The following ZMYM6 variants were observed in gnomAD, a reference collection of about 807,000 sequenced individuals.
ZMYM6 encodes zinc finger MYM-type protein 6.
Under a neutral mutation model 134.0 loss-of-function variants are expected in ZMYM6, and 90 were observed. The ratio of observed to expected loss-of-function variants is 0.67; its 90% CI spans 0.57 to 0.80. ZMYM6 has a LOEUF of 0.80. ZMYM6 is among the 30% of genes least tolerant of loss of function. The pLI is 0.00. For synonymous variants in ZMYM6, 481 were observed against 524.1 expected (o/e 0.92, Z 1.12); for missense variants, 1,362 against 1,533.9 (o/e 0.89, Z 1.87).
chr1:35,015,723 CAA>C (rs1331400824), intron 4 of ZMYM6, among the ~76,000 whole-genome samples: 12 of 51,192 alleles, frequency 2.3e-4, no homozygotes, highest in African/African-American at 1.5e-3. Context: ...GACTCCATCT[CAA>C]AAAAAAAAAA....
At chr1:34,997,557 G>A (rs780710020) in intron 14 of ZMYM6, among the ~76,000 whole-genome samples, 3 of 152,000 alleles carry the variant, frequency 2.0e-5, no homozygotes, top group Non-Finnish European at 4.4e-5. Context: ...TGCCCACCTC[G>A]GCCTCCCAAA....
chr1:35,010,170 C>T (rs1418244931), intron 10 of ZMYM6, among the ~76,000 whole-genome samples: 1 of 151,950 alleles, frequency 6.6e-6, no homozygotes, highest in Admixed American at 6.6e-5. Flanking sequence ...GCACCATGCC[C>T]GGCTAATTTT....
At chr1:34,989,106 A>T (rs1366637496) in intron 15 of ZMYM6, 171 bp from the exon 16 acceptor site, 1 of 1,405,170 alleles carries the variant, frequency 7.1e-7, no homozygotes, top group Non-Finnish European at 9.2e-7. Context: ...TGCTACTGAA[A>T]ACTGAATTTC....
At chr1:35,002,780 T>C (rs1640901504) in intron 14 of ZMYM6, among the ~76,000 whole-genome samples, 1 of 151,682 alleles carries the variant, frequency 6.6e-6, no homozygotes. Context: ...TTGGGGCACA[T>C]TTTTTTAGCA....
intron 8 of ZMYM6, among the ~76,000 whole-genome samples, chr1:35,011,356 T>G (rs1276342109): frequency 1.3e-5 from 2 of 152,170 alleles, no homozygotes; most frequent in Non-Finnish European, 2.9e-5. Flanking sequence ...TGATGGCTAC[T>G]ACGACACAAT....
chr1:35,015,743 A>AAAAAAAAAATATAT, intron 4 of ZMYM6, among the ~76,000 whole-genome samples: 7 of 106,466 alleles, frequency 6.6e-5, no homozygotes, highest in African/African-American at 3.3e-4. Flanking sequence ...AAAAAAAAAA[A>AAAAAAAAAATATAT]ATATATATAT....
In ZMYM6 at chr1:35,010,436, T is replaced by G; in HGVS notation, c.1492+11A>C. Reference sequence around the variant, plus strand: ...ACCCATGCTCTGTGAATAAAACAACTTTGTCTTTACCTTCACTACAGAATG... The same window carrying G: ...ACCCATGCTCTGTGAATAAAACAACGTTGTCTTTACCTTCACTACAGAATG... On this transcript the variant is annotated intron_variant, in intron 10 of 15. Transcript: ENST00000357182. 1 of 1,600,560 alleles carries G rather than the reference T, an allele frequency of 6.2e-7. No individual in the cohort carries two copies. The highest frequency in any genetic ancestry group is 2.2e-5 in the East Asian group (1 of 44,842).
chr1:35,019,087 T>C, intron 4 of ZMYM6: 1 of 567,278 alleles, frequency 1.8e-6, no homozygotes, highest in East Asian at 2.9e-5. Context: ...AATTACAGGA[T>C]AGTCCTGCAA....
intron 6 of ZMYM6, chr1:35,013,185 T>G (rs534275269): frequency 1.4e-6 from 1 of 718,240 alleles, no homozygotes; most frequent in East Asian, 1.3e-4. Context: ...GCTAAGAAAT[T>G]TATATATAGT....
Position 35,010,520 on chromosome 1 carries a change from G to A in ZMYM6, c.1419C>T (p.Asp473=), listed in dbSNP as rs1321580244. The part of the protein sequence containing the change: ...KKKNKVVAMC[D]YCKLQKIIKE... Reference sequence around the variant, plus strand: ...TTATAATTTTCTGCAGTTTACAGTAGTCACACATTGCCACAACTTTATTTT... The same window carrying A: ...TTATAATTTTCTGCAGTTTACAGTAATCACACATTGCCACAACTTTATTTT... The change falls in exon 10 of 16, where the codon GAC becomes GAT. Residue 473 remains aspartate, a synonymous_variant. Transcript: ENST00000357182. 6.2e-7 allele frequency: 1 copy of A among 1,614,014 alleles called. No homozygotes were observed. The highest frequency in any genetic ancestry group is 2.2e-5 in the East Asian group (1 of 44,874).
chr1:35,024,682 C>T (rs1372091068), intron 2 of ZMYM6, among the ~76,000 whole-genome samples: 1 of 152,160 alleles, frequency 6.6e-6, no homozygotes, highest in African/African-American at 2.4e-5. Flanking sequence ...CATTCTCTCA[C>T]CCCTCCATGA....
intron 4 of ZMYM6, among the ~76,000 whole-genome samples, chr1:35,015,743 A>AAAAAAAAATATATAT: frequency 2.8e-5 from 3 of 106,464 alleles, no homozygotes; most frequent in African/African-American, 2.0e-4. Flanking sequence ...AAAAAAAAAA[A>AAAAAAAAATATATAT]ATATATATAT....
intron 4 of ZMYM6, among the ~76,000 whole-genome samples, chr1:35,015,675 G>C (rs1384647239): frequency 7.3e-6 from 1 of 137,362 alleles, no homozygotes; most frequent in African/African-American, 2.8e-5. Context: ...AGTGAGCCGA[G>C]ATTGTGCCAC....
chr1:34,996,366 T>C (rs773761035), intron 14 of ZMYM6, among the ~76,000 whole-genome samples: 11 of 152,226 alleles, frequency 7.2e-5, no homozygotes, highest in Non-Finnish European at 1.6e-4. Flanking sequence ...CATTACCACT[T>C]TCCTTTATCT....
intron 14 of ZMYM6, among the ~76,000 whole-genome samples, chr1:35,002,501 G>GC (rs1246358108): frequency 6.6e-6 from 1 of 152,186 alleles, no homozygotes; most frequent in Non-Finnish European, 1.5e-5. Flanking sequence ...ATGATAGATT[G>GC]CCCTCAGGGG....
At position 34,988,441 on chromosome 1, in the gene ZMYM6, C is replaced by T. The variant is rs1640609721; in HGVS notation, c.2641G>A (p.Val881Ile). Residue 881 changes from valine to isoleucine, a missense_variant, in exon 16 of 16, where the codon GTT becomes ATT. Val to Ile is a conservative substitution (Grantham distance 29, BLOSUM62 3). Coordinates refer to ENST00000357182, the MANE Select transcript of ZMYM6 (RefSeq NM_007167.4). ...TCATCAATCCTGTGTTGAATTGTAA[C>T]ATTAGAAAGTGGAATAGTTTTCATT... Reference protein sequence around the residue: ...DKMKTIPLSNVTIQHRIDELS... With the variant: ...DKMKTIPLSNITIQHRIDELS... 5 of 1,551,462 alleles carry T rather than the reference C, an allele frequency of 3.2e-6. No individual in the cohort carries two copies. Among genetic ancestry groups the T allele is most frequent in the Non-Finnish European group, 4.4e-6 (5 of 1,146,904 alleles).
chr1:35,030,488 T>C, intron 2 of ZMYM6, 59 bp downstream of exon 2: 2 of 1,534,856 alleles, frequency 1.3e-6, no homozygotes, highest in Admixed American at 2.1e-5. Context: ...AATTTTTCAG[T>C]TGACCAGATG....
In ZMYM6 at chr1:35,019,495, T is replaced by A. The variant is rs186205579; in HGVS notation, c.286A>T (p.Lys96Ter). Reference protein sequence around the residue: ...VAIKVFCSGCKKMLYKGQTAY... With the variant: ...VAIKVFCSGC ...GTTTGGCCCTTATAAAGCATTTTTTTACAACCAGAACAAAAAACCTTAATA... is the reference window on the plus strand; with the variant it reads ...GTTTGGCCCTTATAAAGCATTTTTTAACAACCAGAACAAAAAACCTTAATA... The change falls in exon 4 of 16, where the codon AAA becomes TAA. Residue 96 changes from lysine (K) to a stop codon, truncating the protein, a stop_gained. Transcript: ENST00000357182. LOFTEE classifies it high-confidence loss of function. 3 of 1,614,130 alleles carry A rather than the reference T, an allele frequency of 1.9e-6. No individual in the cohort carries two copies. In the East Asian group the frequency reaches 6.7e-5, roughly 36 times the overall value.
rs190909476 is a variant in ZMYM6 at position 35,019,026 on chromosome 1, C to A, written c.428+327G>T. 2,469 of 466,496 alleles carry A rather than the reference C, an allele frequency of 5.3e-3. 13 individuals are homozygous for A. Among genetic ancestry groups the A allele is most frequent in the Non-Finnish European group, 7.5e-3 (1,994 of 266,464 alleles). The allele number at this position is 466,496 out of a possible 1,614,324, so 28.9% of individuals were successfully genotyped here. On this transcript the variant is annotated intron_variant, in intron 4 of 15. Coordinates refer to ENST00000357182, the MANE Select transcript of ZMYM6 (RefSeq NM_007167.4). Reference sequence around the variant, plus strand: ...AGAGTGATATTATTTTATGCTATACCCAATAGCTTTCAAGATAACTGTTAA... The same window carrying A: ...AGAGTGATATTATTTTATGCTATACACAATAGCTTTCAAGATAACTGTTAA...
Sources: allele counts gnomAD v4.1 joint callset (sites outside exome capture counted in the v4.1 genomes callset), GRCh38; gene constraint gnomAD v4.1.1; transcripts MANE v1.5; gene names NCBI Gene and HGNC (gene_info 2026-07-23, HGNC 2026-07-21).